PTPRB: variants seen among roughly 807,000 people sequenced by gnomAD.
The protein encoded by PTPRB is protein tyrosine phosphatase receptor type B.
A neutral mutation model predicts 238.1 loss-of-function variants in PTPRB; 97 were observed. The ratio of observed to expected loss-of-function variants is 0.41; its 90% confidence interval spans 0.35 to 0.48. The LOEUF is 0.48. PTPRB is among the 20% of genes least tolerant of loss of function. The pLI, the probability that PTPRB is intolerant of heterozygous loss-of-function variation, is 0.30. For missense variants in PTPRB, 2,292 were observed against 2,681.9 expected, an observed-to-expected ratio of 0.85 and a Z score of 3.21; for synonymous variants, 970 against 995.4, an observed-to-expected ratio of 0.97 and a Z score of 0.48.
At chr12:70,546,782 A>AGAGGCTGGAGGAGAAGCAGTCCCAGG (rs549423492) in intron 21 of PTPRB, among the ~76,000 whole-genome samples, 8 of 152,168 alleles carry the variant, frequency 5.3e-5, no homozygotes, top group South Asian at 2.1e-4. Flanking sequence ...GGATTCTAGT[A>AGAGGCTGGAGGAGAAGCAGTCCCAGG]GAGGCTGGAG....
chr12:70,628,325 G>A (rs1446000270), intron 2 of PTPRB, among the ~76,000 whole-genome samples: 3 of 152,196 alleles, frequency 2.0e-5, no homozygotes, highest in Non-Finnish European at 4.4e-5. Context: ...TGAAATGTCT[G>A]AGTGAAAAAT....
chr12:70,538,391 C>G, intron 27 of PTPRB, 160 bp from the exon 28 acceptor site: 2 of 590,032 alleles, frequency 3.4e-6, no homozygotes, highest in Non-Finnish European at 5.9e-6. Flanking sequence ...CTAACTTGCC[C>G]CATGTTGCAT....
intron 2 of PTPRB, among the ~76,000 whole-genome samples, chr12:70,634,507 T>C (rs191248122): frequency 1.3e-5 from 2 of 152,190 alleles, no homozygotes; most frequent in Non-Finnish European, 2.9e-5. Flanking sequence ...ATTTGTTACA[T>C]AGGTAAACGT....
chr12:70,555,722 G>A (rs747792351), intron 19 of PTPRB, 148 bp downstream of exon 19: 2 of 1,016,490 alleles, frequency 2.0e-6, no homozygotes, highest in Non-Finnish European at 2.8e-6. Flanking sequence ...AGACTTTTAG[G>A]TCCTCCTCTC....
At chr12:70,632,442 G>C (rs1442486125) in intron 2 of PTPRB, among the ~76,000 whole-genome samples, 2 of 151,930 alleles carry the variant, frequency 1.3e-5, no homozygotes, top group Non-Finnish European at 2.9e-5. Context: ...GTGGGGGACT[G>C]GGGGAAGGAT....
chr12:70,624,252 T>C (rs931702534), intron 2 of PTPRB, among the ~76,000 whole-genome samples: 4 of 152,194 alleles, frequency 2.6e-5, no homozygotes, highest in Admixed American at 2.6e-4. Flanking sequence ...AATATACTTA[T>C]ACTAAAGATT....
At chr12:70,573,444 A>G (rs1330845814) in intron 11 of PTPRB, among the ~76,000 whole-genome samples, 1 of 151,496 alleles carries the variant, frequency 6.6e-6, no homozygotes, top group Non-Finnish European at 1.5e-5. Context: ...AAAAATTACT[A>G]ACTAGATGCC....
At chr12:70,629,784 A>C (rs1885363496) in intron 2 of PTPRB, among the ~76,000 whole-genome samples, 1 of 152,224 alleles carries the variant, frequency 6.6e-6, no homozygotes, top group Non-Finnish European at 1.5e-5. Context: ...ATCCCACAGA[A>C]ATACAAACTA....
Position 70,561,034 on chromosome 12 carries a change from G to C in PTPRB, c.4169-100C>G, listed in dbSNP as rs12580379. The C allele has an allele frequency of 3.3e-6, 4 of 1,209,746 alleles. No homozygotes were observed. In the East Asian group the frequency reaches 9.4e-5, roughly 28 times the overall value. The allele number at this position is 1,209,746 out of a possible 1,614,324, so 74.9% of individuals were successfully genotyped here. A position where few individuals can be genotyped will look rare whatever the true frequency, so the allele number is the denominator to read the frequency against. ...GCTATGTTGGGCATGTGGGTGAGTCGTACATATTGTAGTCAGATCTTGCCT... is the reference window on the plus strand; with the variant it reads ...GCTATGTTGGGCATGTGGGTGAGTCCTACATATTGTAGTCAGATCTTGCCT... On this transcript the variant is annotated intron_variant, in intron 16 of 33. Coordinates refer to ENST00000334414, the MANE Select transcript of PTPRB (RefSeq NM_001109754.4).
chr12:70,575,835 A>T (rs1173216017), intron 11 of PTPRB, among the ~76,000 whole-genome samples: 5 of 152,224 alleles, frequency 3.3e-5, no homozygotes, highest in African/African-American at 1.2e-4. Context: ...CCCTAGTCCC[A>T]GAACCATAAA....
chr12:70,603,983 T>C (rs1371892966), intron 4 of PTPRB, among the ~76,000 whole-genome samples: 1 of 152,218 alleles, frequency 6.6e-6, no homozygotes, highest in African/African-American at 2.4e-5. Flanking sequence ...AAACATAATA[T>C]GTGGTAGTCT....
rs750792524 is a variant in PTPRB, at chr12:70,635,864, G to A, written c.258C>T (p.Arg86=). ...AGGTCCATCGGGGTGCCTGGGAACA[G>A]CGGTCCAAGATGGCTGAGCGGGAGG... ...RGPSRSAILD[R]CSQAPRWTCY... Residue 86 remains arginine, a synonymous_variant, in exon 2 of 34, where the codon CGC becomes CGT. Transcript: ENST00000334414. 1.2e-6 allele frequency: 2 copies of A among 1,613,776 alleles called. No homozygotes were observed. Among genetic ancestry groups the A allele is most frequent in the Admixed American group, 3.3e-5 (2 of 59,982 alleles).
At chr12:70,631,526 C>A (rs1168993550) in intron 2 of PTPRB, among the ~76,000 whole-genome samples, 1 of 152,144 alleles carries the variant, frequency 6.6e-6, no homozygotes, top group Non-Finnish European at 1.5e-5. Flanking sequence ...TGGGCAAACA[C>A]CTCATGACTA....
At chr12:70,538,838 A>G (rs944396240) in intron 27 of PTPRB, 86 bp downstream of exon 27, 24 of 1,085,392 alleles carry the variant, frequency 2.2e-5, no homozygotes, top group Non-Finnish European at 3.0e-5. Context: ...GCTATATTAT[A>G]TTTCTTTAGC....
In PTPRB at chr12:70,538,196, C is replaced by T; in HGVS notation, c.5905G>A (p.Asp1969Asn). 6.2e-7 allele frequency: 1 copy of T among 1,613,830 alleles called. No individual in the cohort carries two copies. The highest frequency in any genetic ancestry group is 8.5e-7 in the Non-Finnish European group (1 of 1,179,816). ...ATRVKLSNVDDDPCSDYINAS... is the reference protein window; with the variant it reads ...ATRVKLSNVDNDPCSDYINAS... Reference sequence around the variant, plus strand: ...TTGATGTAGTCAGAGCAAGGATCATCATCTACATTGGAGAGCTTCACTCGC... The same window carrying T: ...TTGATGTAGTCAGAGCAAGGATCATTATCTACATTGGAGAGCTTCACTCGC... Residue 1969 changes from aspartate to asparagine, a missense_variant, in exon 28 of 34, where the codon GAT (aspartate) becomes AAT (asparagine). By Grantham distance (23) the Asp-to-Asn change is conservative (BLOSUM62 1). Around this residue, in one of 4 missense-constraint regions of PTPRB, gnomAD observed 397 missense variants for 502.0 expected, o/e 0.79. Coordinates refer to ENST00000334414, the MANE Select transcript of PTPRB (RefSeq NM_001109754.4).
intron 1 of PTPRB, among the ~76,000 whole-genome samples, chr12:70,637,105 T>A (rs1885738387): frequency 6.6e-6 from 1 of 152,188 alleles, no homozygotes; most frequent in Admixed American, 6.5e-5. Flanking sequence ...AATGTATCAT[T>A]TCAGGGGCTG....
intron 10 of PTPRB, 55 bp downstream of exon 10, chr12:70,580,981 G>C: frequency 1.3e-6 from 2 of 1,529,558 alleles, no homozygotes; most frequent in South Asian, 1.2e-5. Context: ...TCTGATTAGG[G>C]GTCTCATGTA....
rs758880551 is a variant in PTPRB at position 70,566,647 on chromosome 12, A to G, written c.3692T>C (p.Ile1231Thr). ...ADNAYSSYSL[I>T]VSWQKAAGVA... ...ACCAGCAGCTTTTTGCCAACTTACT[A>G]TTAAGGAATAACTGCTGTATGCATT... Residue 1231 changes from isoleucine (I) to threonine (T), a missense_variant, in exon 15 of 34, where the codon ATA (isoleucine) becomes ACA (threonine). Around this residue, in one of 4 missense-constraint regions of PTPRB, gnomAD observed 683 missense variants for 862.0 expected, o/e 0.79. Transcript: ENST00000334414. 6.2e-7 allele frequency: 1 copy of G among 1,614,028 alleles called. No homozygotes were observed. Among genetic ancestry groups the G allele is most frequent in the South Asian group, 1.1e-5 (1 of 91,084 alleles).
intron 7 of PTPRB, among the ~76,000 whole-genome samples, chr12:70,591,503 ATTAT>A (rs1882486766): frequency 6.6e-6 from 1 of 152,232 alleles, no homozygotes; most frequent in Middle Eastern, 3.2e-3. Flanking sequence ...ATGGATATAA[ATTAT>A]TTAGTCAGTG....
Sources: allele counts gnomAD v4.1 joint callset (sites outside exome capture counted in the v4.1 genomes callset), GRCh38; gene constraint gnomAD v4.1.1; regional missense constraint gnomAD v4.1.1; transcripts MANE v1.5; gene names NCBI Gene and HGNC (gene_info 2026-07-23, HGNC 2026-07-21).